Variants in ARHGEF38 observed in about 807,000 individuals in gnomAD.
ARHGEF38 encodes the protein Rho guanine nucleotide exchange factor (GEF) 38.
In ARHGEF38, 79 loss-of-function variants were observed where a neutral mutation model predicts 79.9. That is an observed-to-expected ratio of 0.99 (90% CI 0.82 to 1.19). The LOEUF is 1.19. ARHGEF38 is among the 50% of genes most tolerant of loss of function. The pLI, the probability that ARHGEF38 is intolerant of heterozygous loss-of-function variation, is 0.00. For synonymous variants in ARHGEF38, 366 were observed against 328.3 expected (o/e 1.11, Z -1.24); for missense variants, 962 against 907.2 (o/e 1.06, Z -0.78).
At chr4:105,561,444 AGAATG>A (rs1310249222) in intron 1 of ARHGEF38, 1,281 of 42,810 alleles carry the variant, frequency 0.03, 134 homozygotes, top group East Asian at 0.049. Context: ...AGAATAGAAT[AGAATG>A]GAATAGAATA....
intron 6 of ARHGEF38, among the ~76,000 whole-genome samples, chr4:105,647,525 A>G (rs923630734): frequency 2.0e-5 from 3 of 152,226 alleles, no homozygotes; most frequent in African/African-American, 7.2e-5. Context: ...AAAATACTCT[A>G]ACAAATAAAA....
At chr4:105,654,718 G>C (rs927336203) in intron 8 of ARHGEF38, among the ~76,000 whole-genome samples, 6 of 152,280 alleles carry the variant, frequency 3.9e-5, no homozygotes, top group Middle Eastern at 3.4e-3. Context: ...ACTAATTGGA[G>C]TACAGTATGA....
chr4:105,671,737 C>T (rs774267692), intron 13 of ARHGEF38, among the ~76,000 whole-genome samples: 2 of 152,126 alleles, frequency 1.3e-5, no homozygotes, highest in African/African-American at 2.4e-5. Flanking sequence ...TTCACATTTG[C>T]GGTATCCTAC....
chr4:105,597,832 G>A (rs1727650313), intron 2 of ARHGEF38, among the ~76,000 whole-genome samples: 1 of 152,132 alleles, frequency 6.6e-6, no homozygotes, highest in Admixed American at 6.5e-5. Context: ...ACAACTGCAT[G>A]TGAATCTACA....
chr4:105,587,556 G>C (rs1727116258), intron 1 of ARHGEF38, among the ~76,000 whole-genome samples: 5 of 152,186 alleles, frequency 3.3e-5, no homozygotes, highest in Admixed American at 3.3e-4. Context: ...CACCTCCCGG[G>C]TTCATGACAT....
At chr4:105,615,033 A>G (rs1351396690) in intron 3 of ARHGEF38, among the ~76,000 whole-genome samples, 1 of 152,242 alleles carries the variant, frequency 6.6e-6, no homozygotes, top group Non-Finnish European at 1.5e-5. Context: ...TTCTATTTCA[A>G]CAATAGGGTC....
At chr4:105,601,030 A>G (rs562749980) in intron 2 of ARHGEF38, among the ~76,000 whole-genome samples, 1 of 152,214 alleles carries the variant, frequency 6.6e-6, no homozygotes, top group South Asian at 2.1e-4. Context: ...ACCCTGTTTC[A>G]ACCAAGCAGC....
intron 5 of ARHGEF38, among the ~76,000 whole-genome samples, chr4:105,642,604 A>G (rs1729666963): frequency 6.6e-6 from 1 of 152,218 alleles, no homozygotes; most frequent in Non-Finnish European, 1.5e-5. Context: ...TGTGAGGAAT[A>G]GAAGAAACTA....
In ARHGEF38 at chr4:105,645,193, A is replaced by T; in HGVS notation, c.680A>T (p.Lys227Ile). 6.6e-7 allele frequency: 1 copy of T among 1,510,018 alleles called. No homozygotes were observed. 93.5% of individuals were successfully genotyped at this position (1,510,018 alleles called of 1,614,324 possible). ...SLKKIYMQEG[K>I]PNLLDMGSLM... Reference sequence around the variant, plus strand: ...ATTATTTATCTGTATTGTAGAGGCAAACCAAACTTATTGGACATGGGCTCT... The same window carrying T: ...ATTATTTATCTGTATTGTAGAGGCATACCAAACTTATTGGACATGGGCTCT... Residue 227 changes from lysine (K) to isoleucine (I), a missense_variant, in exon 6 of 14, where the codon AAA becomes ATA. Lys to Ile is a moderately radical substitution (Grantham distance 102). Transcript: ENST00000420470.
chr4:105,567,862 C>T (rs368890694), intron 1 of ARHGEF38, among the ~76,000 whole-genome samples: 12 of 151,662 alleles, frequency 7.9e-5, no homozygotes, highest in South Asian at 2.1e-4. Context: ...ACATGTGCCA[C>T]GCTGGTGCGC....
At chr4:105,628,426 G>A (rs1729041395) in intron 3 of ARHGEF38, among the ~76,000 whole-genome samples, 1 of 152,158 alleles carries the variant, frequency 6.6e-6, no homozygotes, top group South Asian at 2.1e-4. Flanking sequence ...TTTGCTACCT[G>A]GTTCTGCTAC....
chr4:105,682,225 T>G (rs1478593180), downstream of ARHGEF38, among the ~76,000 whole-genome samples: 1 of 152,138 alleles, frequency 6.6e-6, no homozygotes, highest in Non-Finnish European at 1.5e-5. Context: ...GAAAATCCAT[T>G]GATATGAGAA....
intron 1 of ARHGEF38, among the ~76,000 whole-genome samples, chr4:105,573,573 T>C (rs1261262689): frequency 6.6e-6 from 1 of 152,176 alleles, no homozygotes; most frequent in African/African-American, 2.4e-5. Context: ...TTTATTCTGT[T>C]TCATTAGTCT....
chr4:105,643,952 G>C (rs1446507628), intron 5 of ARHGEF38, among the ~76,000 whole-genome samples: 1 of 134,624 alleles, frequency 7.4e-6, no homozygotes, highest in African/African-American at 2.9e-5. Flanking sequence ...CTGCAGCCTC[G>C]ACCTCCCCAG....
In ARHGEF38 at chr4:105,552,930, T is replaced by A. The variant is rs763464729; in HGVS notation, c.165T>A (p.Ser55=). The change falls in exon 1 of 14, where the codon TCT becomes TCA. Residue 55 remains serine (S), a synonymous_variant. Transcript: ENST00000420470. ...CTGGCACCTTGAGGAGGAGCCAATC[T>A]GACAGGACCGAATACAACCAGAAAT... The part of the protein sequence containing the change: ...DHSGTLRRSQ[S]DRTEYNQKLQ... 48 of 1,612,632 alleles carry A rather than the reference T, an allele frequency of 3.0e-5. No individual in the cohort carries two copies. The highest frequency in any genetic ancestry group is 4.0e-5 in the Non-Finnish European group (47 of 1,179,498).
rs1727208922 is a variant in ARHGEF38, at chr4:105,589,326, T to C, written c.275T>C (p.Met92Thr). The change falls in exon 2 of 14, where the codon ATG becomes ACG. Residue 92 changes from methionine to threonine, a missense_variant. Met to Thr is a moderately conservative substitution (Grantham distance 81). Transcript: ENST00000420470. ...PEEEHHMKRM[M>T]AKREKIIKEL... is the part of the protein sequence containing the mutation. The stretch of plus-strand genomic sequence containing the variant: ...GAAGAGCATCATATGAAGAGGATGA[T>C]GGCAAAGCGGGAAAAGATCATTAAG... 1 of 1,614,064 alleles carries C rather than the reference T, an allele frequency of 6.2e-7. No homozygotes were observed. The highest frequency in any genetic ancestry group is 1.7e-5 in the Admixed American group (1 of 60,014).
intron 1 of ARHGEF38, among the ~76,000 whole-genome samples, chr4:105,588,687 A>C (rs1578283636): frequency 6.6e-6 from 1 of 152,372 alleles, no homozygotes; most frequent in South Asian, 2.1e-4. Context: ...GAAAAATTTC[A>C]GTTGAAATTT....
intron 3 of ARHGEF38, among the ~76,000 whole-genome samples, chr4:105,613,981 CT>C (rs376934669): frequency 1.3e-5 from 2 of 152,198 alleles, no homozygotes; most frequent in South Asian, 4.1e-4. Flanking sequence ...ACAAGTTCTA[CT>C]TTTTTTCATG....
At chr4:105,623,577 T>A (rs979565243) in intron 3 of ARHGEF38, among the ~76,000 whole-genome samples, 2 of 152,176 alleles carry the variant, frequency 1.3e-5, no homozygotes, top group African/African-American at 4.8e-5. Context: ...CCTTAAGATG[T>A]CAGTTGTTAA....
Sources: gnomAD v4.1 joint callset for allele counts (sites outside exome capture counted in the v4.1 genomes callset) on GRCh38, gnomAD v4.1.1 for gene constraint, MANE v1.5 for transcripts, NCBI Gene and HGNC (gene_info 2026-07-23, HGNC 2026-07-21) for gene names.